The following DSG4 variants were observed in gnomAD, a reference collection of about 807,000 sequenced individuals.
The protein encoded by DSG4 is desmoglein 4.
In DSG4, 87 loss-of-function variants were observed where a neutral mutation model predicts 93.1. The observed-to-expected ratio is 0.93, with a 90% CI of 0.79 to 1.12. DSG4 has a LOEUF of 1.12. DSG4 is among the 50% of genes most tolerant of loss of function. The pLI, the probability that DSG4 is intolerant of heterozygous loss-of-function variation, is 0.00. For missense variants in DSG4, 1,373 were observed against 1,285.7 expected (o/e 1.07, Z -1.04); for synonymous variants, 432 against 452.9 (o/e 0.95, Z 0.59).
chr18:31,413,429 G>C lies in DSG4; in HGVS notation c.2957G>C (p.Cys986Ser). 1.2e-6 allele frequency: 2 copies of C among 1,613,510 alleles called. No individual in the cohort carries two copies. Among genetic ancestry groups the C allele is most frequent in the Non-Finnish European group, 1.7e-6 (2 of 1,179,464 alleles). The change falls in exon 16 of 16, where the codon TGT becomes TCT. Residue 986 changes from cysteine (C) to serine (S), a missense_variant. Physicochemically the swap from Cys to Ser is moderately radical, Grantham distance 112. Transcript: ENST00000308128. ...AGCAATAGTAGCACGACTGAGGGTTGTATGGGACCTGTGATGAGCGGCAAT... is the reference window on the plus strand; with the variant it reads ...AGCAATAGTAGCACGACTGAGGGTTCTATGGGACCTGTGATGAGCGGCAAT... Reference protein sequence around the residue: ...DMSNSSTTEGCMGPVMSGNIL... With the variant: ...DMSNSSTTEGSMGPVMSGNIL...
intron 15 of DSG4, 58 bp downstream of exon 15, chr18:31,411,506 A>C: frequency 6.4e-7 from 1 of 1,574,494 alleles, no homozygotes; most frequent in Non-Finnish European, 8.7e-7. Context: ...AATAATAGTA[A>C]AATACTCACA....
intron 5 of DSG4, among the ~76,000 whole-genome samples, chr18:31,389,254 T>G (rs2072223690): frequency 6.6e-6 from 1 of 152,174 alleles, no homozygotes; most frequent in African/African-American, 2.4e-5. Context: ...AGCAGGTGCT[T>G]AGCACCTTGC....
At chr18:31,390,923 A>G (rs2072241574) in intron 6 of DSG4, 101 bp downstream of exon 6, 1 of 1,508,874 alleles carries the variant, frequency 6.6e-7, no homozygotes, top group Admixed American at 2.0e-5. Flanking sequence ...AAAGGAGGGA[A>G]GAAAAATAAT....
chr18:31,412,636 TA>T, intron 15 of DSG4, among the ~76,000 whole-genome samples, 191 bp from the exon 16 acceptor site: 1 of 152,210 alleles, frequency 6.6e-6, no homozygotes, highest in Non-Finnish European at 1.5e-5. Flanking sequence ...AACTATATCT[TA>T]AAATTGGTAG....
intron 5 of DSG4, among the ~76,000 whole-genome samples, chr18:31,389,973 C>T (rs2072230365): frequency 6.6e-6 from 1 of 152,172 alleles, no homozygotes; most frequent in South Asian, 2.1e-4. Context: ...ACAACCAAGT[C>T]TCCCTGCCTA....
intron 8 of DSG4, 96 bp from the exon 9 acceptor site, chr18:31,399,176 C>G: frequency 1.3e-6 from 2 of 1,514,396 alleles, no homozygotes; most frequent in South Asian, 1.2e-5. Context: ...TCTCCTGGAC[C>G]TTATTCTAGT....
rs771586277 is a variant in DSG4, at chr18:31,413,425, G to A, written c.2953G>A (p.Gly985Ser). ...PDMSNSSTTE[G>S]CMGPVMSGNI... ...CATGAGCAATAGTAGCACGACTGAGGGTTGTATGGGACCTGTGATGAGCGG... is the reference window on the plus strand; with the variant it reads ...CATGAGCAATAGTAGCACGACTGAGAGTTGTATGGGACCTGTGATGAGCGG... Residue 985 changes from glycine to serine, a missense_variant, in exon 16 of 16, where the codon GGT (glycine) becomes AGT (serine). Coordinates refer to ENST00000308128, the MANE Select transcript of DSG4 (RefSeq NM_177986.5). The A allele has an allele frequency of 6.2e-7, 1 of 1,613,744 alleles. No individual in the cohort carries two copies. Among genetic ancestry groups the A allele is most frequent in the South Asian group, 1.1e-5 (1 of 91,066 alleles).
At chr18:31,405,340 C>T (rs1043935938) in intron 11 of DSG4, among the ~76,000 whole-genome samples, 1 of 152,072 alleles carries the variant, frequency 6.6e-6, no homozygotes, top group African/African-American at 2.4e-5. Flanking sequence ...GAGTAAGATA[C>T]ATATAAACAG....
chr18:31,380,862 T>C (rs1176145977), intron 1 of DSG4, among the ~76,000 whole-genome samples: 1 of 152,134 alleles, frequency 6.6e-6, no homozygotes, highest in Non-Finnish European at 1.5e-5. Context: ...TATTCCAGTA[T>C]TGCAAGAAGC....
At position 31,413,170 on chromosome 18, in the gene DSG4, G is replaced by T. The variant is rs140587103; in HGVS notation, c.2698G>T (p.Val900Leu). ...FQEEMAASEP[V>L]VHGDIIVTET... ...AGAAGAAATGGCAGCATCTGAACCC[G>T]TGGTCCATGGGGATATTATTGTGAC... The change falls in exon 16 of 16, where the codon GTG (valine) becomes TTG (leucine). Residue 900 changes from valine to leucine, a missense_variant. Val to Leu is a conservative substitution (Grantham distance 32). Coordinates refer to ENST00000308128, the MANE Select transcript of DSG4 (RefSeq NM_177986.5). 3.9e-5 allele frequency: 63 copies of T among 1,613,942 alleles called. No homozygotes were observed. The African/African-American group carries it at 7.9e-4, about 20-fold the overall frequency.
intron 1 of DSG4, among the ~76,000 whole-genome samples, chr18:31,382,834 T>C (rs2072150270): frequency 6.6e-6 from 1 of 152,088 alleles, no homozygotes; most frequent in African/African-American, 2.4e-5. Flanking sequence ...GGTCCTAGTA[T>C]TCCACTTCCC....
chr18:31,409,929 T>A, intron 14 of DSG4, 121 bp downstream of exon 14: 1 of 1,155,874 alleles, frequency 8.7e-7, no homozygotes, highest in Non-Finnish European at 1.3e-6. Context: ...ACAGTATAAT[T>A]AGAGGGAATG....
chr18:31,385,103 T>G, intron 1 of DSG4, 33 bp from the exon 2 acceptor site: 1 of 1,587,786 alleles, frequency 6.3e-7, no homozygotes, highest in South Asian at 1.1e-5. Context: ...ATTATGCAAA[T>G]TTATGCTAAT....
At chr18:31,406,920 G>A (rs1568071711) in intron 12 of DSG4, among the ~76,000 whole-genome samples, 1 of 151,996 alleles carries the variant, frequency 6.6e-6, no homozygotes, top group Non-Finnish European at 1.5e-5. Context: ...TGGGACTACA[G>A]GCGCCCACCA....
chr18:31,397,962 G>A (rs956535010), intron 8 of DSG4, among the ~76,000 whole-genome samples: 2 of 148,242 alleles, frequency 1.3e-5, no homozygotes, highest in African/African-American at 5.0e-5. Flanking sequence ...AGGAGGCAGA[G>A]GTTGCAATGA....
chr18:31,411,500 A>G (rs1256264837), intron 15 of DSG4, 52 bp downstream of exon 15: 2 of 1,584,670 alleles, frequency 1.3e-6, no homozygotes, highest in Admixed American at 1.7e-5. Flanking sequence ...AATAATAATA[A>G]TAGTAAAATA....
At chr18:31,394,601 A>C (rs2072285275) in intron 8 of DSG4, among the ~76,000 whole-genome samples, 1 of 151,994 alleles carries the variant, frequency 6.6e-6, no homozygotes, top group South Asian at 2.1e-4. Flanking sequence ...TGAAAAGACC[A>C]CAGTTATAAA....
intron 15 of DSG4, among the ~76,000 whole-genome samples, chr18:31,412,072 C>T (rs1340768541): frequency 6.6e-6 from 1 of 152,102 alleles, no homozygotes; most frequent in Non-Finnish European, 1.5e-5. Flanking sequence ...ATATATGCAC[C>T]CCCATGTTTA....
chr18:31,380,094 T>C (rs1458296245), intron 1 of DSG4, among the ~76,000 whole-genome samples: 2 of 152,178 alleles, frequency 1.3e-5, no homozygotes, highest in African/African-American at 4.8e-5. Flanking sequence ...GCAGAGTCCA[T>C]GGGGAGAACC....
Sources: allele counts gnomAD v4.1 joint callset (sites outside exome capture counted in the v4.1 genomes callset), GRCh38; gene constraint gnomAD v4.1.1; transcripts MANE v1.5; gene names NCBI Gene and HGNC (gene_info 2026-07-23, HGNC 2026-07-21).